ANGPTL1: variants seen among roughly 807,000 people sequenced by gnomAD.
ANGPTL1 encodes the protein angiopoietin like 1.
Under a neutral mutation model 46.7 loss-of-function variants are expected in ANGPTL1, and 36 were observed. The observed-to-expected ratio is 0.77, with a 90% CI of 0.59 to 1.02. ANGPTL1 has a LOEUF of 1.02. ANGPTL1 is among the 50% of genes least tolerant of loss of function. The probability of loss-of-function intolerance (pLI) is 0.00; values close to 1 mark genes in which losing one functional copy is unlikely to be tolerated. For missense variants in ANGPTL1, 571 were observed against 594.7 expected, an observed-to-expected ratio of 0.96 and a Z score of 0.41; for synonymous variants, 221 against 204.3, an observed-to-expected ratio of 1.08 and a Z score of -0.69.
At chr1:178,867,430 A>G (rs927971172) in intron 2 of ANGPTL1, among the ~76,000 whole-genome samples, 4 of 152,098 alleles carry the variant, frequency 2.6e-5, no homozygotes, top group Non-Finnish European at 4.4e-5. Context: ...ACACATGTTA[A>G]CTATTTGCAT....
intron 2 of ANGPTL1, among the ~76,000 whole-genome samples, 158 bp from the exon 3 acceptor site, chr1:178,865,960 A>C (rs1411451782): frequency 6.6e-6 from 1 of 152,220 alleles, no homozygotes; most frequent in Non-Finnish European, 1.5e-5. Context: ...TCTTAAATTT[A>C]ATATTAAGTT....
chr1:178,865,556 C>G lies in ANGPTL1; in HGVS notation c.221G>C (p.Ser74Thr), dbSNP rs199972606. ...ICVNTKGQDA[S>T]TIKDMITRMD... ...CCTGGTGATCATGTCTTTAATGGTA[C>G]TTGCATCTTGCCCCTTGGTGTTGAC... The change falls in exon 3 of 6, where the codon AGT becomes ACT. Residue 74 changes from serine (S) to threonine (T), a missense_variant. Coordinates refer to ENST00000234816, the MANE Select transcript of ANGPTL1 (RefSeq NM_004673.4). 46 of 1,614,140 alleles carry G rather than the reference C, an allele frequency of 2.8e-5. No individual in the cohort carries two copies. In the East Asian group the frequency reaches 9.6e-4, roughly 34 times the overall value.
intron 3 of ANGPTL1, among the ~76,000 whole-genome samples, chr1:178,862,362 T>A (rs1329609189): frequency 6.6e-6 from 1 of 152,102 alleles, no homozygotes; most frequent in Non-Finnish European, 1.5e-5. Context: ...AACACATATT[T>A]AGCAACTGCA....
intron 3 of ANGPTL1, among the ~76,000 whole-genome samples, chr1:178,856,202 G>GAGATATATATATATATATATATATAT (rs1428022812): frequency 2.1e-4 from 18 of 83,894 alleles, no homozygotes; most frequent in African/African-American, 1.0e-3. Flanking sequence ...GAGAGAGAGA[G>GAGATATATATATATATATATATATAT]ATATATATAT....
chr1:178,852,396 A>AT (rs1254410512), intron 5 of ANGPTL1, among the ~76,000 whole-genome samples: 1 of 152,110 alleles, frequency 6.6e-6, no homozygotes, highest in Admixed American at 6.6e-5. Context: ...TTCAGTTAGT[A>AT]TTTGTTATGA....
intron 2 of ANGPTL1, among the ~76,000 whole-genome samples, chr1:178,867,031 T>C (rs1255954573): frequency 2.0e-5 from 3 of 152,142 alleles, no homozygotes; most frequent in Non-Finnish European, 4.4e-5. Flanking sequence ...CATACCTATC[T>C]GCCATTTTTG....
At position 178,864,966 on chromosome 1, in the gene ANGPTL1, A is replaced by G; in HGVS notation, c.811T>C (p.Phe271Leu). ...KSPFKIPPVT[F>L]INEGPFKDCQ... ...AGAGGTAACTCACCTTCATTGATGA[A>G]AGTTACCGGTGGTATCTTGAAAGGG... Residue 271 changes from phenylalanine to leucine, a missense_variant, in exon 3 of 6, where the codon TTC becomes CTC. Coordinates refer to ENST00000234816, the MANE Select transcript of ANGPTL1 (RefSeq NM_004673.4). 6.9e-7 allele frequency: 1 copy of G among 1,452,630 alleles called. No individual in the cohort carries two copies. Among genetic ancestry groups the G allele is most frequent in the Non-Finnish European group, 9.1e-7 (1 of 1,102,084 alleles). 90.0% of individuals were successfully genotyped at this position (1,452,630 alleles called of 1,614,324 possible). A position where few individuals can be genotyped will look rare whatever the true frequency, so the allele number is the denominator to read the frequency against.
At chr1:178,856,216 T>G (rs574348950) in intron 3 of ANGPTL1, among the ~76,000 whole-genome samples, 5,703 of 75,114 alleles carry the variant, frequency 0.076, 222 homozygotes, top group Non-Finnish European at 0.12. Flanking sequence ...TATATATATA[T>G]ATATATATAT....
rs143247341 is a variant in ANGPTL1 at position 178,864,974 on chromosome 1, G to C, written c.803C>G (p.Pro268Arg). The C allele has an allele frequency of 5.5e-6, 8 of 1,452,544 alleles. No individual in the cohort carries two copies. In the South Asian group the frequency reaches 1.2e-4, roughly 22 times the overall value. The allele number at this position is 1,452,544 out of a possible 1,614,324, so 90.0% of individuals were successfully genotyped here. Residue 268 changes from proline to arginine, a missense_variant, in exon 3 of 6, where the codon CCG becomes CGG. Coordinates refer to ENST00000234816, the MANE Select transcript of ANGPTL1 (RefSeq NM_004673.4). Reference protein sequence around the residue: ...SPTKSPFKIPPVTFINEGPFK... With the variant: ...SPTKSPFKIPRVTFINEGPFK... ...CTCACCTTCATTGATGAAAGTTACC[G>C]GTGGTATCTTGAAAGGGCTTTTGGT...
At chr1:178,867,001 CT>C (rs1225778796) in intron 2 of ANGPTL1, among the ~76,000 whole-genome samples, 11 of 152,096 alleles carry the variant, frequency 7.2e-5, no homozygotes, top group Non-Finnish European at 1.5e-4. Context: ...TACAGGCCAC[CT>C]TTTCACTCTT....
intron 2 of ANGPTL1, among the ~76,000 whole-genome samples, chr1:178,866,721 A>G (rs1054170255): frequency 1.1e-4 from 16 of 152,194 alleles, no homozygotes; most frequent in African/African-American, 3.9e-4. Flanking sequence ...GGCTAAGGCC[A>G]CACAAGGATT....
At chr1:178,863,995 C>T (rs12134176) in intron 3 of ANGPTL1, among the ~76,000 whole-genome samples, 6,865 of 152,130 alleles carry the variant, frequency 0.045, 157 homozygotes, top group Non-Finnish European at 0.057. Flanking sequence ...TTTATTTACT[C>T]GTTGCTTTGG....
chr1:178,866,218 A>G (rs1439901478), intron 2 of ANGPTL1, among the ~76,000 whole-genome samples: 1 of 152,184 alleles, frequency 6.6e-6, no homozygotes, highest in Non-Finnish European at 1.5e-5. Context: ...GCATTAATTA[A>G]AACATTCTTG....
At chr1:178,859,401 CTTTT>C (rs543947031) in intron 3 of ANGPTL1, among the ~76,000 whole-genome samples, 9 of 122,898 alleles carry the variant, frequency 7.3e-5, no homozygotes, top group Non-Finnish European at 1.0e-4. Context: ...CCAAGTTTAA[CTTTT>C]TTTTTTTTTT....
rs1657512669 is a variant in ANGPTL1, at chr1:178,855,983, T to C, written c.824-2196A>G. ...CTAATATAAGAACAAAAAAGTAATA[T>C]ATATAAGAACAAAATATATATATTA... is the stretch of plus-strand genomic sequence containing the variant. On this transcript the variant is annotated intron_variant, in intron 3 of 5. Transcript: ENST00000234816. 2.7e-5 allele frequency among the ~76,000 whole-genome samples: 4 copies of C among 148,690 alleles called. No individual in the cohort carries two copies. The South Asian group carries it at 6.3e-4, about 23-fold the overall frequency.
chr1:178,852,419 T>C (rs1344386867), intron 5 of ANGPTL1, among the ~76,000 whole-genome samples: 1 of 152,206 alleles, frequency 6.6e-6, no homozygotes, highest in Non-Finnish European at 1.5e-5. Context: ...TGTAGGCACT[T>C]GCATTTTATT....
intron 1 of ANGPTL1, among the ~76,000 whole-genome samples, chr1:178,870,336 T>C (rs1219034809): frequency 6.6e-6 from 1 of 152,204 alleles, no homozygotes; most frequent in Non-Finnish European, 1.5e-5. Context: ...ACACTGTGGC[T>C]GCAGGAAGAG....
At chr1:178,854,244 C>T (rs1657380118) in intron 3 of ANGPTL1, among the ~76,000 whole-genome samples, 1 of 152,042 alleles carries the variant, frequency 6.6e-6, no homozygotes, top group African/African-American at 2.4e-5. Context: ...GCTGAGGGAT[C>T]GATCTACTGG....
Position 178,865,799 on chromosome 1 carries a change from A to G in ANGPTL1, c.-23T>C, listed in dbSNP as rs1428600504. Reference sequence around the variant, plus strand: ...CATTTTGAAATGAGGTTGTAAAATGATGTCTTTTGAAAAACAAATCAGTGA... The same window carrying G: ...CATTTTGAAATGAGGTTGTAAAATGGTGTCTTTTGAAAAACAAATCAGTGA... On this transcript the variant is annotated 5_prime_UTR_variant, in exon 3 of 6. Coordinates refer to ENST00000234816, the MANE Select transcript of ANGPTL1 (RefSeq NM_004673.4). 2.6e-6 allele frequency: 4 copies of G among 1,525,624 alleles called. No homozygotes were observed. The highest frequency in any genetic ancestry group is 2.8e-5 in the African/African-American group (2 of 71,850). The allele number at this position is 1,525,624 out of a possible 1,614,324, so 94.5% of individuals were successfully genotyped here.
Sources: gnomAD v4.1 joint callset for allele counts (sites outside exome capture counted in the v4.1 genomes callset) on GRCh38, gnomAD v4.1.1 for gene constraint, MANE v1.5 for transcripts, NCBI Gene and HGNC (gene_info 2026-07-23, HGNC 2026-07-21) for gene names.